CTIF: variants seen among roughly 807,000 people sequenced by gnomAD.
The protein encoded by CTIF is cap binding complex dependent translation initiation factor.
In CTIF, 21 loss-of-function variants were observed where a neutral mutation model predicts 66.0. That is an observed-to-expected ratio of 0.32 (90% CI 0.23 to 0.46). The LOEUF is 0.46. CTIF is among the 20% of genes least tolerant of loss of function. The pLI, the probability that CTIF is intolerant of heterozygous loss-of-function variation, is 1.00. For missense variants in CTIF, 739 were observed against 812.7 expected (o/e 0.91, Z 1.10); for synonymous variants, 345 against 326.4 (o/e 1.06, Z -0.62).
At chr18:48,675,438 T>C (rs1316422524) in intron 6 of CTIF, among the ~76,000 whole-genome samples, 2 of 152,162 alleles carry the variant, frequency 1.3e-5, no homozygotes, top group Non-Finnish European at 2.9e-5. Flanking sequence ...AGCGCACCAC[T>C]CTGCAGGCTC....
At chr18:48,670,474 A>G (rs558124324) in intron 5 of CTIF, 195 bp from the exon 6 acceptor site, 3 of 459,044 alleles carry the variant, frequency 6.5e-6, no homozygotes, top group African/African-American at 3.8e-5. Context: ...TGGCTGTTGC[A>G]TTACGGGAGG....
intron 7 of CTIF, among the ~76,000 whole-genome samples, chr18:48,750,938 T>C (rs1184578720): frequency 2.0e-5 from 3 of 152,208 alleles, no homozygotes; most frequent in Non-Finnish European, 2.9e-5. Flanking sequence ...GGGGCCAAAC[T>C]ATATAAGTTC....
At chr18:48,623,124 C>T (rs998469001) in intron 2 of CTIF, among the ~76,000 whole-genome samples, 1 of 152,246 alleles carries the variant, frequency 6.6e-6, no homozygotes, top group Non-Finnish European at 1.5e-5. Context: ...CGCTTGGATG[C>T]CCCCATCTGT....
At chr18:48,576,852 G>T (rs1384474300) in intron 1 of CTIF, among the ~76,000 whole-genome samples, 1 of 152,218 alleles carries the variant, frequency 6.6e-6, no homozygotes, top group Admixed American at 6.5e-5. Context: ...GTGTGGTTTT[G>T]GTTTTCTGGG....
At chr18:48,725,106 C>T (rs1474327134) in intron 7 of CTIF, among the ~76,000 whole-genome samples, 1 of 152,118 alleles carries the variant, frequency 6.6e-6, no homozygotes, top group Non-Finnish European at 1.5e-5. Flanking sequence ...TCTGTGTGGC[C>T]ACAGCAAACA....
At chr18:48,714,012 C>CA (rs1264043767) in intron 7 of CTIF, among the ~76,000 whole-genome samples, 1 of 152,062 alleles carries the variant, frequency 6.6e-6, no homozygotes, top group Non-Finnish European at 1.5e-5. Flanking sequence ...TGGGGACTTT[C>CA]AGGAGGAAAG....
chr18:48,859,124 T>G (rs1019794119), intron 11 of CTIF, among the ~76,000 whole-genome samples: 1 of 152,182 alleles, frequency 6.6e-6, no homozygotes, highest in Non-Finnish European at 1.5e-5. Flanking sequence ...TTCGGATCCC[T>G]CTGGATCCTG....
intron 1 of CTIF, among the ~76,000 whole-genome samples, chr18:48,570,538 G>A (rs2089392634): frequency 6.6e-6 from 1 of 152,220 alleles, no homozygotes; most frequent in Admixed American, 6.5e-5. Context: ...CGCACACACT[G>A]AGGCTGCCAG....
chr18:48,603,646 GATGGATGA>G (rs1250541363), intron 1 of CTIF, among the ~76,000 whole-genome samples: 1 of 151,658 alleles, frequency 6.6e-6, no homozygotes, highest in Non-Finnish European at 1.5e-5. Flanking sequence ...TGGATGGATG[GATGGATGA>G]ATGGATGAAT....
intron 9 of CTIF, among the ~76,000 whole-genome samples, chr18:48,781,765 C>T (rs1055453035): frequency 2.6e-5 from 4 of 151,982 alleles, no homozygotes; most frequent in Admixed American, 6.5e-5. Context: ...ATTCTTAGTG[C>T]GGTAAAAGGC....
At chr18:48,704,165 C>T (rs1398146152) in intron 6 of CTIF, among the ~76,000 whole-genome samples, 1 of 152,110 alleles carries the variant, frequency 6.6e-6, no homozygotes, top group Non-Finnish European at 1.5e-5. Flanking sequence ...GGGTTGGCCT[C>T]CCATCTCTGC....
chr18:48,661,533 T>C (rs2091347441), intron 3 of CTIF, among the ~76,000 whole-genome samples: 1 of 152,182 alleles, frequency 6.6e-6, no homozygotes, highest in African/African-American at 2.4e-5. Flanking sequence ...GGTTGTGTGA[T>C]AGAAGGTGAG....
chr18:48,629,971 T>C lies in CTIF; in HGVS notation c.181-6643T>C, dbSNP rs1398970228. Among the ~76,000 whole-genome samples, 3 of 152,230 alleles carry C rather than the reference T, an allele frequency of 2.0e-5. No individual in the cohort carries two copies. The East Asian group carries it at 5.8e-4, about 29-fold the overall frequency. On this transcript the variant is annotated intron_variant, in intron 2 of 11. Coordinates refer to ENST00000256413, the MANE Select transcript of CTIF (RefSeq NM_014772.3). ...TACACAGCAGGCTCCCCTTATCCAC[T>C]GTTTTGCTTTCCATGGTTTTAGTTA...
intron 7 of CTIF, among the ~76,000 whole-genome samples, chr18:48,728,383 G>A (rs536108355): frequency 1.3e-5 from 2 of 152,180 alleles, no homozygotes; most frequent in African/African-American, 2.4e-5. Flanking sequence ...ACCCAAAGCT[G>A]TATTAGTTAT....
At chr18:48,653,105 C>T (rs936885800) in intron 3 of CTIF, among the ~76,000 whole-genome samples, 2 of 152,134 alleles carry the variant, frequency 1.3e-5, no homozygotes, top group African/African-American at 4.8e-5. Context: ...TCCTATTCAA[C>T]GTAGTATTGG....
At chr18:48,556,858 T>A (rs763187471) in intron 1 of CTIF, among the ~76,000 whole-genome samples, 124 of 152,086 alleles carry the variant, frequency 8.2e-4, no homozygotes, top group Non-Finnish European at 6.0e-4. Context: ...AACCTCCATG[T>A]CCAGCCTGCT....
chr18:48,795,227 T>TCA (rs1232525000), intron 9 of CTIF, among the ~76,000 whole-genome samples: 30 of 152,306 alleles, frequency 2.0e-4, no homozygotes, highest in African/African-American at 6.7e-4. Context: ...CATCAGAGCA[T>TCA]GGAGGCTGTC....
intron 1 of CTIF, among the ~76,000 whole-genome samples, chr18:48,592,708 T>C (rs1014627665): frequency 6.6e-6 from 1 of 152,168 alleles, no homozygotes; most frequent in Non-Finnish European, 1.5e-5. Flanking sequence ...TTGTTAACAG[T>C]TGGAGACTGT....
chr18:48,638,207 C>T (rs985198089), intron 3 of CTIF, among the ~76,000 whole-genome samples: 1 of 152,190 alleles, frequency 6.6e-6, no homozygotes, highest in South Asian at 2.1e-4. Context: ...TCCCCTCACT[C>T]TTCAGCAGCA....
Sources: allele counts gnomAD v4.1 joint callset (sites outside exome capture counted in the v4.1 genomes callset), GRCh38; gene constraint gnomAD v4.1.1; transcripts MANE v1.5; gene names NCBI Gene and HGNC (gene_info 2026-07-23, HGNC 2026-07-21).